The following ADK variants were observed in gnomAD, a reference collection of about 807,000 sequenced individuals.
ADK encodes the protein N6,N6-dimethyladenosine kinase.
In ADK, 24 loss-of-function variants were observed where a neutral mutation model predicts 44.7. That is an observed-to-expected ratio of 0.54 (90% CI 0.39 to 0.76). ADK has a LOEUF of 0.76. ADK is among the 30% of genes least tolerant of loss of function. The pLI is 0.00. For missense variants in ADK, 321 were observed against 425.1 expected (o/e 0.76, Z 2.15); for synonymous variants, 128 against 142.6 (o/e 0.90, Z 0.73).
chr10:74,632,679 T>C (rs1487216665), intron 9 of ADK, among the ~76,000 whole-genome samples: 9 of 152,180 alleles, frequency 5.9e-5, no homozygotes, highest in Non-Finnish European at 1.2e-4. Context: ...GACCTCATCT[T>C]AACTAATTAA....
chr10:74,621,349 T>A (rs1852986395), intron 9 of ADK, among the ~76,000 whole-genome samples: 1 of 152,230 alleles, frequency 6.6e-6, no homozygotes, highest in South Asian at 2.1e-4. Context: ...GTGACTATTC[T>A]TGGTGCTTTT....
At chr10:74,332,368 T>A (rs1449003943) in intron 4 of ADK, among the ~76,000 whole-genome samples, 4 of 152,174 alleles carry the variant, frequency 2.6e-5, no homozygotes, top group African/African-American at 9.7e-5. Context: ...CCATAGCTAT[T>A]CTAAGCCATA....
chr10:74,542,773 AGC>A (rs1265623395), intron 7 of ADK, among the ~76,000 whole-genome samples: 1 of 152,216 alleles, frequency 6.6e-6, no homozygotes, highest in Non-Finnish European at 1.5e-5. Context: ...CATGAAAGGT[AGC>A]ACACTATAGA....
chr10:74,342,564 C>T (rs181279985), intron 4 of ADK, among the ~76,000 whole-genome samples: 1 of 152,320 alleles, frequency 6.6e-6, no homozygotes, highest in African/African-American at 2.4e-5. Flanking sequence ...CCACAATCTC[C>T]TAGGCCCACC....
chr10:74,261,273 C>T (rs531927391), intron 3 of ADK, among the ~76,000 whole-genome samples: 6 of 151,958 alleles, frequency 3.9e-5, no homozygotes, highest in Non-Finnish European at 8.8e-5. Context: ...GCTAATCTCC[C>T]CCCTCAGTGT....
chr10:74,353,319 A>G (rs1474641199), intron 4 of ADK, among the ~76,000 whole-genome samples: 2 of 152,104 alleles, frequency 1.3e-5, no homozygotes, highest in Non-Finnish European at 2.9e-5. Context: ...AGAAAACCAA[A>G]CACCACATGT....
intron 4 of ADK, among the ~76,000 whole-genome samples, chr10:74,351,859 G>A (rs930607871): frequency 1.3e-5 from 2 of 151,988 alleles, no homozygotes; most frequent in African/African-American, 4.8e-5. Flanking sequence ...AACTTATAAG[G>A]GATGTGAAGG....
intron 10 of ADK, among the ~76,000 whole-genome samples, chr10:74,670,978 A>G (rs1421514646): frequency 7.1e-6 from 1 of 140,580 alleles, no homozygotes; most frequent in Non-Finnish European, 1.5e-5. Context: ...CAGATACCCC[A>G]AAGGGGTCTT....
chr10:74,706,320 T>C (rs769877649), intron 10 of ADK, among the ~76,000 whole-genome samples: 18 of 152,188 alleles, frequency 1.2e-4, no homozygotes, highest in Non-Finnish European at 2.6e-4. Context: ...TTCATACTTT[T>C]TACCTCTTAC....
intron 1 of ADK, among the ~76,000 whole-genome samples, chr10:74,187,496 G>GCA (rs1466965849): frequency 2.8e-4 from 41 of 147,168 alleles, no homozygotes; most frequent in African/African-American, 9.8e-4. Flanking sequence ...GATTTTACAC[G>GCA]CACATACACA....
At chr10:74,419,344 T>C (rs1844479844) in intron 6 of ADK, among the ~76,000 whole-genome samples, 1 of 152,130 alleles carries the variant, frequency 6.6e-6, no homozygotes, top group African/African-American at 2.4e-5. Context: ...AAATCCCTTA[T>C]TTAAATTTTT....
Position 74,169,214 on chromosome 10 carries a change from C to T in ADK, c.65+17871C>T, listed in dbSNP as rs556914267. Among the ~76,000 whole-genome samples the T allele has an allele frequency of 2.6e-5, 4 of 151,220 alleles. No homozygotes were observed. In the South Asian group the frequency reaches 8.4e-4, roughly 32 times the overall value. On this transcript the variant is annotated intron_variant, in intron 1 of 10. Transcript: ENST00000539909. ...AGCCTGCGTGACAGTGGGACCCTGT[C>T]TTAAAAAAAAAGGAAAAAGAAAATA...
At chr10:74,166,738 C>T (rs552467338) in intron 1 of ADK, among the ~76,000 whole-genome samples, 8 of 151,494 alleles carry the variant, frequency 5.3e-5, no homozygotes, top group Non-Finnish European at 8.8e-5. Flanking sequence ...TAGGAAAAGT[C>T]TCAGTTCCTC....
rs1854153943 is a variant in ADK, at chr10:74,648,959, A to T, written c.878-21224A>T. On this transcript the variant is annotated intron_variant, in intron 9 of 10. Transcript: ENST00000539909. Reference sequence around the variant, plus strand: ...TGCTTTGGGAGGCCAAGGCAGGCGGATTACGACGTCAGGAGATCAAGACCA... The same window carrying T: ...TGCTTTGGGAGGCCAAGGCAGGCGGTTTACGACGTCAGGAGATCAAGACCA... 2.6e-5 allele frequency among the ~76,000 whole-genome samples: 4 copies of T among 152,106 alleles called. No individual in the cohort carries two copies. In the South Asian group the frequency reaches 8.3e-4, roughly 32 times the overall value.
At chr10:74,186,774 T>A (rs1038561147) in intron 1 of ADK, among the ~76,000 whole-genome samples, 17 of 152,240 alleles carry the variant, frequency 1.1e-4, no homozygotes, top group Admixed American at 7.9e-4. Context: ...TTTTTTAGAT[T>A]CACCCATTTT....
chr10:74,238,855 G>GTTTTTTTT (rs1845080402), intron 3 of ADK, among the ~76,000 whole-genome samples: 1 of 86,520 alleles, frequency 1.2e-5, no homozygotes, highest in Admixed American at 1.3e-4. Flanking sequence ...TTTAGCTAGT[G>GTTTTTTTT]CTTTTTTTTT....
chr10:74,626,838 G>A (rs995997679), intron 9 of ADK, among the ~76,000 whole-genome samples: 2 of 152,062 alleles, frequency 1.3e-5, no homozygotes, highest in African/African-American at 4.8e-5. Flanking sequence ...AGAGAACAAG[G>A]GTAGTTTCCT....
At chr10:74,232,770 C>T (rs1364311187) in intron 3 of ADK, among the ~76,000 whole-genome samples, 6 of 152,056 alleles carry the variant, frequency 3.9e-5, no homozygotes, top group Non-Finnish European at 8.8e-5. Context: ...GGACTATAGG[C>T]GCACGCCGCC....
intron 9 of ADK, among the ~76,000 whole-genome samples, chr10:74,665,152 G>T (rs1489737885): frequency 2.0e-5 from 3 of 151,750 alleles, no homozygotes; most frequent in Non-Finnish European, 4.4e-5. Context: ...GTTAAAAAAT[G>T]GTAAATCTGG....
Sources: gnomAD v4.1 joint callset for allele counts (sites outside exome capture counted in the v4.1 genomes callset) on GRCh38, gnomAD v4.1.1 for gene constraint, MANE v1.5 for transcripts, NCBI Gene and HGNC (gene_info 2026-07-23, HGNC 2026-07-21) for gene names.